Variants in MACF1 observed in about 807,000 individuals in gnomAD.
MACF1 encodes microtubule-actin cross-linking factor 1.
MACF1 carries 193 observed loss-of-function variants against 854.8 expected under a neutral mutation model. The ratio of observed to expected loss-of-function variants is 0.23; its 90% CI spans 0.20 to 0.25. The LOEUF is 0.25. Ranked by LOEUF, MACF1 falls within the 10% of genes least tolerant of loss-of-function variation. The probability of loss-of-function intolerance (pLI) is 1.00; values close to 1 mark genes in which losing one functional copy is unlikely to be tolerated. For missense variants in MACF1, 7,722 were observed against 8,929.1 expected (o/e 0.86, Z 5.45); for synonymous variants, 3,185 against 3,226.7 (o/e 0.99, Z 0.44).
At chr1:39,300,621 T>C (rs1444736380) in intron 22 of MACF1, among the ~76,000 whole-genome samples, 29 of 152,168 alleles carry the variant, frequency 1.9e-4, no homozygotes, top group Admixed American at 1.6e-3. Context: ...GATGGTACTT[T>C]GTAGCACTTG....
intron 2 of MACF1, among the ~76,000 whole-genome samples, chr1:39,127,554 G>A (rs1557470448): frequency 6.6e-6 from 1 of 152,188 alleles, no homozygotes; most frequent in Non-Finnish European, 1.5e-5. Context: ...AAATGGTAGA[G>A]CAGTCATTTA....
chr1:39,372,695 G>A lies in MACF1; in HGVS notation c.13213+99G>A, dbSNP rs1649352603. On this transcript the variant is annotated intron_variant, in intron 52 of 100. Transcript: ENST00000564288. ...TATAATTAAAGTGAAAATCAAGGTT[G>A]GATATGAAAACAAAGGGCATGCCCA... 5.9e-6 allele frequency: 5 copies of A among 842,874 alleles called. No homozygotes were observed. The Middle Eastern group carries it at 1.1e-3, about 189-fold the overall frequency. The allele number at this position is 842,874 out of a possible 1,614,324, so 52.2% of individuals were successfully genotyped here. A position where few individuals can be genotyped will look rare whatever the true frequency, so the allele number is the denominator to read the frequency against.
In MACF1 at chr1:39,357,715, G is replaced by A; in HGVS notation, c.11765G>A (p.Ser3922Asn). The A allele has an allele frequency of 6.2e-7, 1 of 1,614,140 alleles. No homozygotes were observed. The highest frequency in any genetic ancestry group is 1.1e-5 in the South Asian group (1 of 91,082). The change falls in exon 45 of 101, where the codon AGC (serine) becomes AAC (asparagine). Residue 3922 changes from serine to asparagine, a missense_variant. By Grantham distance (46) the Ser-to-Asn change is conservative. This residue lies in a region of MACF1 where 2,807 missense variants were observed against 3,235.8 expected (regional missense o/e 0.87). Coordinates refer to ENST00000564288, the MANE Select transcript of MACF1 (RefSeq NM_001394062.1). ...TLPSLLKRQG[S>N]FSEDVISHKG... ...CCCTCCCTGCTAAAGCGGCAAGGAAGCTTCTCAGAGGATGTCATTTCCCAC... is the reference window on the plus strand; with the variant it reads ...CCCTCCCTGCTAAAGCGGCAAGGAAACTTCTCAGAGGATGTCATTTCCCAC...
chr1:39,123,292 C>G (rs1195377318), intron 2 of MACF1, among the ~76,000 whole-genome samples: 5 of 149,068 alleles, frequency 3.4e-5, no homozygotes, highest in East Asian at 3.9e-4. Context: ...ACTGCAACCT[C>G]TATCTCCCAG....
chr1:39,420,919 G>T (rs1181161024), intron 58 of MACF1, among the ~76,000 whole-genome samples: 1 of 147,862 alleles, frequency 6.8e-6, no homozygotes, highest in Non-Finnish European at 1.5e-5. Context: ...AGGCTGGAGT[G>T]CAGTGGCTCA....
rs540540825 is a variant in MACF1, at chr1:39,105,943, A to G, written c.220+21505A>G. ...TCGGCGCGCTCAGAGCGCCAGTTAC[A>G]TGATTTGCCCTATTATCCGGCCCCA... On this transcript the variant is annotated intron_variant, in intron 2 of 93. Transcript: ENST00000361689. The surrounding 1 kb of genome is among the most constrained non-coding windows in gnomAD (Gnocchi z 5.9). 6.6e-6 allele frequency among the ~76,000 whole-genome samples: 1 copy of G among 152,318 alleles called. No homozygotes were observed. The highest frequency in any genetic ancestry group is 2.1e-4 in the South Asian group (1 of 4,830).
chr1:39,308,238 G>A (rs1646230717), intron 23 of MACF1, among the ~76,000 whole-genome samples: 1 of 152,018 alleles, frequency 6.6e-6, no homozygotes, highest in African/African-American at 2.4e-5. Flanking sequence ...CTTGTTTTTA[G>A]TTCTTGCTTT....
At chr1:39,166,438 A>G (rs984855492) in intron 2 of MACF1, among the ~76,000 whole-genome samples, 1 of 150,140 alleles carries the variant, frequency 6.7e-6, no homozygotes, top group African/African-American at 2.4e-5. Context: ...TTATTTATTT[A>G]TTTATTTATT....
chr1:39,288,370 C>T (rs1295305254), intron 15 of MACF1, among the ~76,000 whole-genome samples: 8 of 151,734 alleles, frequency 5.3e-5, no homozygotes, highest in South Asian at 2.1e-4. Flanking sequence ...TGGTGGTGGG[C>T]GCCTGTAGTC....
At chr1:39,209,236 A>G (rs1644489196) in intron 1 of MACF1, among the ~76,000 whole-genome samples, 1 of 152,028 alleles carries the variant, frequency 6.6e-6, no homozygotes, top group South Asian at 2.1e-4. Context: ...AAAAAAAATC[A>G]GTAAATATTA....
At chr1:39,384,078 A>G (rs1190613052) in intron 56 of MACF1, among the ~76,000 whole-genome samples, 4 of 152,228 alleles carry the variant, frequency 2.6e-5, no homozygotes, top group East Asian at 1.9e-4. Flanking sequence ...TGATCTCTGT[A>G]TGTCTGCTAA....
At chr1:39,307,121 C>T (rs911170860) in intron 23 of MACF1, among the ~76,000 whole-genome samples, 4 of 151,866 alleles carry the variant, frequency 2.6e-5, no homozygotes, top group African/African-American at 7.3e-5. Flanking sequence ...GTAGTCTGCC[C>T]GCCTCGGCCT....
rs1053857179 is a variant in MACF1, at chr1:39,361,692, G to A, written c.12771+15G>A. 3.7e-6 allele frequency: 6 copies of A among 1,612,106 alleles called. No individual in the cohort carries two copies. The highest frequency in any genetic ancestry group is 5.1e-6 in the Non-Finnish European group (6 of 1,178,612). ...AACAGATCCAGGTGAGGATATATCT[G>A]CCATGTTAGCAGAATAAAGGGAAGA... On this transcript the variant is annotated intron_variant, in intron 49 of 100. Coordinates refer to ENST00000564288, the MANE Select transcript of MACF1 (RefSeq NM_001394062.1).
At chr1:39,152,673 A>G (rs1164194415) in intron 2 of MACF1, among the ~76,000 whole-genome samples, 6 of 152,170 alleles carry the variant, frequency 3.9e-5, no homozygotes, top group Admixed American at 3.9e-4. Flanking sequence ...TCTATCTTGG[A>G]CTTTCTTTTT....
chr1:39,288,661 C>T (rs1032319469), intron 15 of MACF1, among the ~76,000 whole-genome samples: 1 of 150,944 alleles, frequency 6.6e-6, no homozygotes, highest in Non-Finnish European at 1.5e-5. Context: ...AATGATGGCG[C>T]GCACCGGTGG....
rs774143175 is a variant in MACF1 at position 39,357,378 on chromosome 1, C to T, written c.11428C>T (p.Arg3810Cys). 42 of 1,610,630 alleles carry T rather than the reference C, an allele frequency of 2.6e-5. No individual in the cohort carries two copies. Among genetic ancestry groups the T allele is most frequent in the Admixed American group, 1.9e-4 (11 of 59,282 alleles). Reference sequence around the variant, plus strand: ...TGGGGGGATTTTTTTTTACCAGGCCCGTCACCAAGAATTGCTGTCCCAGCA... The same window carrying T: ...TGGGGGGATTTTTTTTTACCAGGCCTGTCACCAAGAATTGCTGTCCCAGCA... Reference protein sequence around the residue: ...LDKQCEMMKARHQELLSQQQN... With the variant: ...LDKQCEMMKACHQELLSQQQN... The change falls in exon 45 of 101, where the codon CGT becomes TGT. Residue 3810 changes from arginine to cysteine, a missense_variant. Arg to Cys is a radical substitution (Grantham distance 180). This residue lies in a region of MACF1 where 2,807 missense variants were observed against 3,235.8 expected (regional missense o/e 0.87). Transcript: ENST00000564288.
At chr1:39,479,757 T>C (rs1349984660) in intron 97 of MACF1, 41 bp from the exon 98 acceptor site, 3 of 1,572,200 alleles carry the variant, frequency 1.9e-6, no homozygotes, top group Non-Finnish European at 2.6e-6. Flanking sequence ...ATATATTTTT[T>C]AGAAGAACTG....
intron 41 of MACF1, 67 bp downstream of exon 41, chr1:39,347,277 G>T (rs1647073563): frequency 6.7e-6 from 8 of 1,199,564 alleles, no homozygotes; most frequent in Non-Finnish European, 7.4e-6. Context: ...GGGTTTTCTG[G>T]CCAGACTCTG....
intron 35 of MACF1, among the ~76,000 whole-genome samples, chr1:39,325,849 A>G (rs1646599844): frequency 6.6e-6 from 1 of 152,200 alleles, no homozygotes; most frequent in African/African-American, 2.4e-5. Context: ...CCGAGGAGAA[A>G]GGAAGAGGGA....
Sources: allele counts gnomAD v4.1 joint callset (sites outside exome capture counted in the v4.1 genomes callset), GRCh38; gene constraint gnomAD v4.1.1; regional missense constraint gnomAD v4.1.1; non-coding constraint Gnocchi (gnomAD v3.1); transcripts MANE v1.5; gene names NCBI Gene and HGNC (gene_info 2026-07-23, HGNC 2026-07-21).